The following CACHD1 variants were observed in gnomAD, a reference collection of about 807,000 sequenced individuals.
CACHD1 encodes VWFA and cache domain-containing protein 1.
A neutral mutation model predicts 138.7 loss-of-function variants in CACHD1; 71 were observed. The ratio of observed to expected loss-of-function variants is 0.51; its 90% CI spans 0.42 to 0.62. The LOEUF (loss-of-function observed/expected upper bound fraction) is 0.62. Ranked by LOEUF, CACHD1 falls within the 20% of genes least tolerant of loss-of-function variation. The probability of loss-of-function intolerance (pLI) is 0.00; values close to 1 mark genes in which losing one functional copy is unlikely to be tolerated. For missense variants in CACHD1, 1,389 were observed against 1,625.3 expected (o/e 0.85, Z 2.50); for synonymous variants, 578 against 591.5 (o/e 0.98, Z 0.33).
chr1:64,657,181 A>T (rs1649289798), intron 12 of CACHD1, among the ~76,000 whole-genome samples: 1 of 152,124 alleles, frequency 6.6e-6, no homozygotes, highest in Non-Finnish European at 1.5e-5. Flanking sequence ...GGCCTGCTTC[A>T]CTTCAAAACA....
Position 64,526,166 on chromosome 1 carries a change from A to G in CACHD1, c.199-24428A>G, listed in dbSNP as rs776509661. Among the ~76,000 whole-genome samples the G allele has an allele frequency of 6.6e-5, 10 of 152,268 alleles. No homozygotes were observed. The South Asian group carries it at 1.0e-3, about 16-fold the overall frequency. ...GGTTGGTAAAGTAGGTGTAATTGCA[A>G]TGGTGTCCACCTATCAAATATGACT... On this transcript the variant is annotated intron_variant, in intron 1 of 26. Transcript: ENST00000651257.
At chr1:64,619,342 G>A (rs1647826653) in intron 4 of CACHD1, among the ~76,000 whole-genome samples, 1 of 152,200 alleles carries the variant, frequency 6.6e-6, no homozygotes, top group African/African-American at 2.4e-5. Context: ...TTTGTGTGCT[G>A]TGGCTGAAGA....
rs1456185942 is a variant in CACHD1, at chr1:64,690,974, T to A, written c.3587-349T>A. On this transcript the variant is annotated intron_variant, in intron 26 of 26. Transcript: ENST00000651257. ...AAAGTGTAGAAAGATAGGTCCCCAGTGGTGGCTCGCCATGGATGATGGGAT... is the reference window on the plus strand; with the variant it reads ...AAAGTGTAGAAAGATAGGTCCCCAGAGGTGGCTCGCCATGGATGATGGGAT... Among the ~76,000 whole-genome samples the A allele has an allele frequency of 2.0e-5, 3 of 152,160 alleles. No individual in the cohort carries two copies. In the South Asian group the frequency reaches 6.2e-4, roughly 32 times the overall value.
intron 14 of CACHD1, 142 bp downstream of exon 14, chr1:64,663,979 G>T: frequency 9.0e-7 from 1 of 1,105,180 alleles, no homozygotes; most frequent in Non-Finnish European, 1.3e-6. Context: ...TGTGGCCCAG[G>T]GGAGGCTGGT....
Position 64,646,525 on chromosome 1 carries a change from C to T in CACHD1, c.1157-1276C>T, listed in dbSNP as rs556171846. ...GGCAGATCACTTGAGGCCAGGAGTT[C>T]GAGGCCAGCCTGGCCAACATGGTGA... On this transcript the variant is annotated intron_variant, in intron 8 of 26. Coordinates refer to ENST00000651257, the MANE Select transcript of CACHD1 (RefSeq NM_020925.4). Among the ~76,000 whole-genome samples the T allele has an allele frequency of 9.9e-5, 15 of 151,840 alleles. No individual in the cohort carries two copies. The Middle Eastern group carries it at 0.01, about 103-fold the overall frequency.
chr1:64,660,060 C>A (rs1649391434), intron 13 of CACHD1, among the ~76,000 whole-genome samples: 1 of 152,070 alleles, frequency 6.6e-6, no homozygotes, highest in African/African-American at 2.4e-5. Flanking sequence ...TTTTATATTT[C>A]TTTGTTTTGA....
intron 16 of CACHD1, among the ~76,000 whole-genome samples, chr1:64,667,863 T>G (rs1649686543): frequency 1.3e-5 from 2 of 152,240 alleles, no homozygotes; most frequent in South Asian, 4.1e-4. Flanking sequence ...ATATTCTTTT[T>G]GTTCAAGAGG....
intron 3 of CACHD1, among the ~76,000 whole-genome samples, chr1:64,592,889 A>G (rs1192014413): frequency 6.6e-6 from 1 of 152,168 alleles, no homozygotes; most frequent in Non-Finnish European, 1.5e-5. Context: ...GGGCTGGTGT[A>G]TTATATAGAG....
At chr1:64,512,393 C>CAAAAAAAAAAAAAAAAAAA (rs551616431) in intron 1 of CACHD1, among the ~76,000 whole-genome samples, 7 of 78,596 alleles carry the variant, frequency 8.9e-5, no homozygotes, top group African/African-American at 3.9e-4. Flanking sequence ...GACTGTGTCT[C>CAAAAAAAAAAAAAAAAAAA]AAAAAAAAAA....
At chr1:64,617,528 C>G (rs1570421094) in intron 4 of CACHD1, among the ~76,000 whole-genome samples, 1 of 152,194 alleles carries the variant, frequency 6.6e-6, no homozygotes, top group East Asian at 1.9e-4. Flanking sequence ...GCTATGAGCT[C>G]AGAACACAAT....
At chr1:64,652,349 G>A (rs1202608345) in intron 10 of CACHD1, 39 bp downstream of exon 10, 1 of 1,529,936 alleles carries the variant, frequency 6.5e-7, no homozygotes, top group Admixed American at 2.1e-5. Context: ...TACTTTTTTA[G>A]AAACCTAAAG....
At chr1:64,616,303 G>A (rs769828228) in intron 4 of CACHD1, among the ~76,000 whole-genome samples, 1 of 152,140 alleles carries the variant, frequency 6.6e-6, no homozygotes, top group Non-Finnish European at 1.5e-5. Context: ...CAAGTGACAA[G>A]CATGTGGTGG....
At chr1:64,596,225 T>A (rs914697202) in intron 3 of CACHD1, among the ~76,000 whole-genome samples, 1 of 152,196 alleles carries the variant, frequency 6.6e-6, no homozygotes, top group African/African-American at 2.4e-5. Flanking sequence ...CCAGTGCAGA[T>A]GTTTGATTTT....
chr1:64,499,197 A>G (rs1464969901), intron 1 of CACHD1, among the ~76,000 whole-genome samples: 1 of 152,150 alleles, frequency 6.6e-6, no homozygotes, highest in Non-Finnish European at 1.5e-5. Context: ...CCCAGACTGG[A>G]TGATGTTTAT....
At chr1:64,528,862 A>T (rs1026000653) in intron 1 of CACHD1, among the ~76,000 whole-genome samples, 4 of 152,188 alleles carry the variant, frequency 2.6e-5, no homozygotes, top group African/African-American at 7.2e-5. Flanking sequence ...AAAATATCCT[A>T]ATACCTGATG....
intron 19 of CACHD1, among the ~76,000 whole-genome samples, chr1:64,673,897 T>C (rs963792532): frequency 6.6e-6 from 1 of 152,190 alleles, no homozygotes; most frequent in Admixed American, 6.5e-5. Flanking sequence ...GGAACTCTTA[T>C]GTAAATCATC....
At chr1:64,551,965 G>A (rs570171044) in intron 2 of CACHD1, among the ~76,000 whole-genome samples, 4 of 152,194 alleles carry the variant, frequency 2.6e-5, no homozygotes, top group South Asian at 2.1e-4. Context: ...CTTTATGGTC[G>A]TGAAATTTAA....
chr1:64,493,321 A>G (rs1646288957), intron 1 of CACHD1, among the ~76,000 whole-genome samples: 1 of 152,200 alleles, frequency 6.6e-6, no homozygotes, highest in African/African-American at 2.4e-5. Context: ...AGAAATAATG[A>G]GGTGAAAAGC....
chr1:64,512,237 T>C (rs1479084731), intron 1 of CACHD1, among the ~76,000 whole-genome samples: 1 of 151,520 alleles, frequency 6.6e-6, no homozygotes, highest in Non-Finnish European at 1.5e-5. Context: ...CTACAAAAAA[T>C]AGAAAAATTA....
Sources: allele counts gnomAD v4.1 joint callset (sites outside exome capture counted in the v4.1 genomes callset), GRCh38; gene constraint gnomAD v4.1.1; transcripts MANE v1.5; gene names NCBI Gene and HGNC (gene_info 2026-07-23, HGNC 2026-07-21).